DAPK2: variants seen among roughly 807,000 people sequenced by gnomAD.
DAPK2 encodes the protein death-associated protein kinase 2.
A neutral mutation model predicts 44.1 loss-of-function variants in DAPK2; 35 were observed. The observed-to-expected ratio is 0.79, with a 90% confidence interval of 0.61 to 1.05. DAPK2 has a LOEUF of 1.05. DAPK2 is among the 50% of genes least tolerant of loss of function. The probability of loss-of-function intolerance (pLI) is 0.00; values close to 1 mark genes in which losing one functional copy is unlikely to be tolerated. For missense variants in DAPK2, 453 were observed against 483.2 expected (o/e 0.94, Z 0.59); for synonymous variants, 174 against 182.6 (o/e 0.95, Z 0.38).
chr15:63,981,022 G>A (rs571533790), intron 2 of DAPK2, among the ~76,000 whole-genome samples: 9 of 152,072 alleles, frequency 5.9e-5, no homozygotes, highest in African/African-American at 2.2e-4. Flanking sequence ...CCCAGGAGGT[G>A]GAGATTGTAG....
rs555502296 is a variant in DAPK2, at chr15:63,925,988, G to A, written c.765C>T (p.Ser255=). 119 of 1,614,172 alleles carry A rather than the reference G, an allele frequency of 7.4e-5. 3 individuals carry two copies. The South Asian group carries it at 9.1e-4, about 12-fold the overall frequency. The change falls in exon 7 of 11, where the codon AGC becomes AGT. Residue 255 remains serine, a synonymous_variant. Transcript: ENST00000261891. ...TCCGAATAAAGTCCTTGGCCAGCTC[G>A]CTCGTCTGGCTGAAGAATTCCTCAT...
intron 1 of DAPK2, among the ~76,000 whole-genome samples, chr15:64,012,379 A>G (rs1173324334): frequency 8.5e-5 from 13 of 152,278 alleles, no homozygotes; most frequent in Non-Finnish European, 2.9e-5. Flanking sequence ...TACCAGTACA[A>G]GGGTGACACA....
At position 64,022,135 on chromosome 15, in the gene DAPK2, A is replaced by G. The variant is rs190351185; in HGVS notation, c.92+18035T>C. 1.3e-3 allele frequency among the ~76,000 whole-genome samples: 197 copies of G among 152,258 alleles called. 1 individual carries two copies. Among genetic ancestry groups the G allele is most frequent in the African/African-American group, 4.6e-3 (192 of 41,550 alleles). ...ACACAAACCACAGGCATAGAGTACA[A>G]TTTTCCTAGGGTAACCATCCAAATG... On this transcript the variant is annotated intron_variant, in intron 1 of 10. Transcript: ENST00000261891.
exon 11 of DAPK2, chr15:63,907,122 G>C (rs1470440479): frequency 6.6e-6 from 1 of 152,156 alleles, no homozygotes; most frequent in Non-Finnish European, 1.5e-5. Flanking sequence ...TTTCCTCTGA[G>C]GCCCCCTTAG....
intron 1 of DAPK2, among the ~76,000 whole-genome samples, chr15:64,007,769 A>G (rs2046319254): frequency 6.6e-6 from 1 of 152,248 alleles, no homozygotes; most frequent in African/African-American, 2.4e-5. Flanking sequence ...GATACAGTCC[A>G]AATGTTCATC....
chr15:63,994,993 T>G (rs1398219910), intron 1 of DAPK2, among the ~76,000 whole-genome samples: 1 of 152,332 alleles, frequency 6.6e-6, no homozygotes, highest in East Asian at 1.9e-4. Context: ...TAACATCTCC[T>G]CATATAATTA....
At chr15:63,924,664 C>T (rs1324536014) in intron 8 of DAPK2, 152 bp downstream of exon 9, 5 of 779,180 alleles carry the variant, frequency 6.4e-6, no homozygotes, top group African/African-American at 1.7e-5. Flanking sequence ...AGCCCAGGCC[C>T]TCTGGGGCCC....
rs750726015 is a variant in DAPK2, at chr15:63,908,542, C to T, written c.1091G>A (p.Arg364Gln). The change falls in exon 11 of 11, where the codon CGG becomes CAG. Residue 364 changes from arginine to glutamine, a missense_variant. By Grantham distance (43) the Arg-to-Gln change is conservative. Transcript: ENST00000261891. This position sits in a 1 kb window ranked among gnomAD's most constrained non-coding sequence, Gnocchi z 5.7. ...CAGTTAGGAGGTGCTGCTCCTCCTC[C>T]GTGGGTGGAGGGCTTTCCTCCTGGC... The T allele has an allele frequency of 3.1e-6, 5 of 1,599,748 alleles. No homozygotes were observed. The highest frequency in any genetic ancestry group is 2.3e-5 in the East Asian group (1 of 44,318).
intron 1 of DAPK2, among the ~76,000 whole-genome samples, chr15:64,000,499 CTG>C (rs1424779467): frequency 2.0e-5 from 3 of 152,186 alleles, no homozygotes; most frequent in Admixed American, 1.3e-4. Context: ...GGAGGAACCC[CTG>C]TGTGTCATGA....
chr15:63,968,866 C>T (rs1430968755), intron 3 of DAPK2, among the ~76,000 whole-genome samples: 4 of 152,198 alleles, frequency 2.6e-5, no homozygotes, highest in African/African-American at 7.2e-5. Context: ...ACTCCTCCTA[C>T]CAGACCCATT....
chr15:63,909,374 TGCA>T (rs2078726549), intron 10 of DAPK2: 1 of 151,562 alleles, frequency 6.6e-6, no homozygotes, highest in Non-Finnish European at 1.5e-5. Context: ...TTGGGAAAAC[TGCA>T]TAACAGATAT....
At chr15:63,962,024 G>A (rs536910468) in intron 3 of DAPK2, among the ~76,000 whole-genome samples, 1 of 152,144 alleles carries the variant, frequency 6.6e-6, no homozygotes, top group East Asian at 1.9e-4. Flanking sequence ...CATATTTCTT[G>A]GAGGCTTTTT....
intron 1 of DAPK2, among the ~76,000 whole-genome samples, chr15:64,036,446 A>G (rs977593982): frequency 6.6e-6 from 1 of 150,608 alleles, no homozygotes; most frequent in Non-Finnish European, 1.5e-5. Flanking sequence ...TGAAACAGAC[A>G]CCCAGATCAA....
intron 2 of DAPK2, among the ~76,000 whole-genome samples, chr15:63,978,973 AG>A (rs1441956991): frequency 6.6e-6 from 1 of 152,214 alleles, no homozygotes; most frequent in Non-Finnish European, 1.5e-5. Context: ...ATGCTGCCAG[AG>A]CTGCTGGGCC....
At chr15:63,931,373 C>T (rs934970017) in intron 4 of DAPK2, among the ~76,000 whole-genome samples, 3 of 152,068 alleles carry the variant, frequency 2.0e-5, no homozygotes, top group South Asian at 2.1e-4. Context: ...AAAAGTACAC[C>T]GAACACCTGA....
At position 63,966,105 on chromosome 15, in the gene DAPK2, C is replaced by T. The variant is rs1005079954; in HGVS notation, c.453+5318G>A. The stretch of plus-strand genomic sequence containing the variant: ...CTGAGTGATACACTGGATGTCACTG[C>T]TGACTATTCAGGGCCCAGGGCCTCT... On this transcript the variant is annotated intron_variant, in intron 3 of 10. Transcript: ENST00000261891. This position sits in a 1 kb window ranked among gnomAD's most constrained non-coding sequence, Gnocchi z 5.5. 6.6e-6 allele frequency among the ~76,000 whole-genome samples: 1 copy of T among 152,200 alleles called. No individual in the cohort carries two copies.
In DAPK2 at chr15:63,922,169, T is replaced by C. The variant is rs149607426; in HGVS notation, c.858+2647A>G. ...AATAATAATAATAATGCCACCCACCTTCCTATCTCACTGAGTTCTTTTAAG... is the reference window on the plus strand; with the variant it reads ...AATAATAATAATAATGCCACCCACCCTCCTATCTCACTGAGTTCTTTTAAG... On this transcript the variant is annotated intron_variant, in intron 8 of 10. Coordinates refer to ENST00000261891, the Ensembl canonical transcript of DAPK2. The C allele has an allele frequency of 6.8e-5, 27 of 399,812 alleles. No homozygotes were observed. The East Asian group carries it at 3.4e-3, about 50-fold the overall frequency. 24.8% of individuals were successfully genotyped at this position (399,812 alleles called of 1,614,324 possible).
rs1423392937 is a variant in DAPK2, at chr15:63,990,833, C to A, written c.93-7079G>T. Among the ~76,000 whole-genome samples, 1 of 152,216 alleles carries A rather than the reference C, an allele frequency of 6.6e-6. No individual in the cohort carries two copies. Among genetic ancestry groups the A allele is most frequent in the Non-Finnish European group, 1.5e-5 (1 of 68,040 alleles). On this transcript the variant is annotated intron_variant, in intron 1 of 10. Coordinates refer to ENST00000261891, the Ensembl canonical transcript of DAPK2. This position sits in a 1 kb window ranked among gnomAD's most constrained non-coding sequence, Gnocchi z 4.3. ...AGCCAATGTGTCTCAAAGGCAGGAG[C>A]AGCTCAAAGCTGTAGTCCACAAGAA...
At chr15:64,022,471 G>T (rs1415856800) in intron 1 of DAPK2, among the ~76,000 whole-genome samples, 1 of 152,138 alleles carries the variant, frequency 6.6e-6, no homozygotes, top group African/African-American at 2.4e-5. Flanking sequence ...CTTGTGCATG[G>T]TGACTACTTC....
Sources: gnomAD v4.1 joint callset for allele counts (sites outside exome capture counted in the v4.1 genomes callset) on GRCh38, gnomAD v4.1.1 for gene constraint, Gnocchi (gnomAD v3.1) non-coding constraint, MANE v1.5 for transcripts, NCBI Gene and HGNC (gene_info 2026-07-23, HGNC 2026-07-21) for gene names.